VENTX: variants seen among roughly 807,000 people sequenced by gnomAD.
The protein encoded by VENTX is homeobox protein VENTX.
A neutral mutation model predicts 10.5 loss-of-function variants in VENTX; 13 were observed. The observed-to-expected ratio is 1.23, with a 90% CI of 0.80 to 1.96. The LOEUF (loss-of-function observed/expected upper bound fraction) is 1.96. Among genes scored for constraint, VENTX ranks in the 30% most tolerant of loss-of-function variants. VENTX has a pLI of 0.00. For missense variants in VENTX, 400 were observed against 341.8 expected (o/e 1.17, Z -1.34); for synonymous variants, 177 against 150.4 (o/e 1.18, Z -1.29).
rs761834337 is a variant in VENTX, at chr10:133,240,093, C to T, written c.564C>T (p.Pro188=). 4 of 1,611,118 alleles carry T rather than the reference C, an allele frequency of 2.5e-6. No homozygotes were observed. The highest frequency in any genetic ancestry group is 3.4e-6 in the Non-Finnish European group (4 of 1,180,012). The part of the protein sequence containing the change: ...NGLQLLCPWA[P]LSGPQALMLP... ...TGCAGCTGCTGTGCCCTTGGGCACC[C>T]CTGTCCGGGCCCCAGGCTCTGATGC... The change falls in exon 3 of 3, where the codon CCC becomes CCT. Residue 188 remains proline, a synonymous_variant. Transcript: ENST00000325980.
In VENTX at chr10:133,239,781, T is replaced by C; in HGVS notation, c.347T>C (p.Leu116Pro). The change falls in exon 2 of 3, where the codon CTG becomes CCG. Residue 116 changes from leucine to proline, a missense_variant. Physicochemically the swap from Leu to Pro is moderately conservative, Grantham distance 98. Coordinates refer to ENST00000325980, the MANE Select transcript of VENTX (RefSeq NM_014468.4). The part of the protein sequence containing the change: ...LEGVFQHHQY[L>P]SPLERKRLAR... ...GGCGTCTTCCAGCACCACCAGTACC[T>C]GAGCCCTCTGGAGCGGAAGAGGCTG... 6.2e-7 allele frequency: 1 copy of C among 1,610,266 alleles called. No individual in the cohort carries two copies. Among genetic ancestry groups the C allele is most frequent in the Non-Finnish European group, 8.5e-7 (1 of 1,179,776 alleles).
Position 133,241,276 on chromosome 10 carries a change from C to T in VENTX, c.*970C>T, listed in dbSNP as rs1270011982. ...CTTGGGCCAGGGAAAGCAGGGCAGCCGGGACCTGCGGCTGTGCCTGGACTG... is the reference window on the plus strand; with the variant it reads ...CTTGGGCCAGGGAAAGCAGGGCAGCTGGGACCTGCGGCTGTGCCTGGACTG... On this transcript the variant is annotated 3_prime_UTR_variant, in exon 3 of 3. Coordinates refer to ENST00000325980, the MANE Select transcript of VENTX (RefSeq NM_014468.4). 6.5e-6 allele frequency: 1 copy of T among 153,616 alleles called. No individual in the cohort carries two copies. The highest frequency in any genetic ancestry group is 1.5e-5 in the Non-Finnish European group (1 of 68,274). 9.5% of individuals were successfully genotyped at this position (153,616 alleles called of 1,614,324 possible).
At chr10:133,239,446 G>A (rs1222959210) in intron 1 of VENTX, among the ~76,000 whole-genome samples, 7 of 152,324 alleles carry the variant, frequency 4.6e-5, no homozygotes, top group Non-Finnish European at 7.3e-5. Flanking sequence ...TGGACTGAGC[G>A]GAGGGCAGGC....
chr10:133,238,246 G>T (rs544448108), intron 1 of VENTX, 91 bp downstream of exon 1: 1 of 1,440,332 alleles, frequency 6.9e-7, no homozygotes, highest in African/African-American at 1.4e-5. Flanking sequence ...TCCCCGCGGT[G>T]CCCTGCCCAC....
At chr10:133,239,289 G>GAGCCC (rs112301324) in intron 1 of VENTX, among the ~76,000 whole-genome samples, 6,622 of 152,224 alleles carry the variant, frequency 0.044, 478 homozygotes, top group African/African-American at 0.15. Context: ...TGAGGAGACG[G>GAGCCC]AGCCCGGGAC....
Position 133,240,050 on chromosome 10 carries a change from C to A in VENTX, c.521C>A (p.Ser174Tyr), listed in dbSNP as rs1187601139. The change falls in exon 3 of 3, where the codon TCT (serine) becomes TAT (tyrosine). Residue 174 changes from serine (S) to tyrosine (Y), a missense_variant. Physicochemically the swap from Ser to Tyr is moderately radical, Grantham distance 144. Transcript: ENST00000325980. ...CCCCCAGCTTTCTACTCAACGTCTT[C>A]TGGCCTTGCCAATGGCCTGCAGCTG... Reference protein sequence around the residue: ...HAPPAFYSTSSGLANGLQLLC... With the variant: ...HAPPAFYSTSYGLANGLQLLC... 6 of 1,611,924 alleles carry A rather than the reference C, an allele frequency of 3.7e-6. No homozygotes were observed. The South Asian group carries it at 4.4e-5, about 12-fold the overall frequency.
At position 133,240,455 on chromosome 10, in the gene VENTX, T is replaced by G; in HGVS notation, c.*149T>G. The G allele has an allele frequency of 2.5e-4, 129 of 519,840 alleles. No homozygotes were observed. Among genetic ancestry groups the G allele is most frequent in the East Asian group, 3.0e-4 (7 of 23,666 alleles). The allele number at this position is 519,840 out of a possible 1,614,324, so 32.2% of individuals were successfully genotyped here. ...GAGATTACTGGAGAATATATATAAA[T>G]ATATATATGTACGTATATATGTAAA... On this transcript the variant is annotated 3_prime_UTR_variant, in exon 3 of 3. Transcript: ENST00000325980.
In VENTX at chr10:133,240,196, C is replaced by A; in HGVS notation, c.667C>A (p.Gln223Lys). ...LASAGASCCGQPLASHPPTPG... is the reference protein window; with the variant it reads ...LASAGASCCGKPLASHPPTPG... ...ATCTGCGGGAGCTTCCTGCTGCGGG[C>A]AGCCTCTGGCGTCCCACCCCCCTAC... Residue 223 changes from glutamine to lysine, a missense_variant, in exon 3 of 3, where the codon CAG becomes AAG. By Grantham distance (53) the Gln-to-Lys change is moderately conservative (BLOSUM62 1). Coordinates refer to ENST00000325980, the MANE Select transcript of VENTX (RefSeq NM_014468.4). 1 of 1,610,160 alleles carries A rather than the reference C, an allele frequency of 6.2e-7. No homozygotes were observed. Among genetic ancestry groups the A allele is most frequent in the South Asian group, 1.1e-5 (1 of 90,976 alleles).
chr10:133,239,952 T>G lies in VENTX; in HGVS notation c.423T>G (p.Asn141Lys). The G allele has an allele frequency of 1.2e-6, 2 of 1,612,190 alleles. No homozygotes were observed. The highest frequency in any genetic ancestry group is 1.7e-6 in the Non-Finnish European group (2 of 1,179,628). Reference protein sequence around the residue: ...SEVQIKTWFQNRRMKHKRQMQ... With the variant: ...SEVQIKTWFQKRRMKHKRQMQ... ...TACAGATAAAAACCTGGTTTCAGAATCGCCGCATGAAACACAAACGGCAAA... is the reference window on the plus strand; with the variant it reads ...TACAGATAAAAACCTGGTTTCAGAAGCGCCGCATGAAACACAAACGGCAAA... Residue 141 changes from asparagine to lysine, a missense_variant, in exon 3 of 3, where the codon AAT becomes AAG. Asn to Lys is a moderately conservative substitution (Grantham distance 94). Coordinates refer to ENST00000325980, the MANE Select transcript of VENTX (RefSeq NM_014468.4).
In VENTX at chr10:133,239,191, G is replaced by T. The variant is rs113164596; in HGVS notation, c.242-485G>T. Among the ~76,000 whole-genome samples, 1,351 of 152,316 alleles carry T rather than the reference G, an allele frequency of 8.9e-3. 9 individuals are homozygous for T. The highest frequency in any genetic ancestry group is 0.021 in the Admixed American group (320 of 15,282). ...ACAGACCACCTCGTGGGGCCGTTTGGTGCCAGCCCCCATTCCTTAACTTAG... is the reference window on the plus strand; with the variant it reads ...ACAGACCACCTCGTGGGGCCGTTTGTTGCCAGCCCCCATTCCTTAACTTAG... On this transcript the variant is annotated intron_variant, in intron 1 of 2. Transcript: ENST00000325980.
At chr10:133,238,305 GGC>G in intron 1 of VENTX, 150 bp downstream of exon 1, 4 of 1,074,280 alleles carry the variant, frequency 3.7e-6, no homozygotes, top group Non-Finnish European at 3.8e-6. Context: ...AGGCCTTGCC[GGC>G]GCCCTCACTG....
At position 133,241,117 on chromosome 10, in the gene VENTX, TAAC is replaced by T. The variant is rs1243085531; in HGVS notation, c.*814_*816del. The T allele has an allele frequency of 3.9e-5, 6 of 152,232 alleles. No individual in the cohort carries two copies. Among genetic ancestry groups the T allele is most frequent in the South Asian group, 2.1e-4 (1 of 4,822 alleles). 9.4% of individuals were successfully genotyped at this position (152,232 alleles called of 1,614,324 possible). The stretch of plus-strand genomic sequence containing the variant: ...ATAGCGTTGTGGTTCAAGTCCCTCT[TAAC>T]AAGAACTCCAAAGCTGGAAAGCAGG... On this transcript the variant is annotated 3_prime_UTR_variant, in exon 3 of 3. Transcript: ENST00000325980.
In VENTX at chr10:133,238,189, A is replaced by T. The variant is rs1240382874; in HGVS notation, c.241+34A>T. On this transcript the variant is annotated intron_variant, in intron 1 of 2. Transcript: ENST00000325980. ...GGGTGGGGGGGGTCCCTTCCTTCCC[A>T]GGTGGAGATGGGAGTGGGGGAGAGG... is the stretch of plus-strand genomic sequence containing the variant. The T allele has an allele frequency of 1.8e-5, 28 of 1,554,670 alleles. No individual in the cohort carries two copies. The East Asian group carries it at 6.0e-4, about 33-fold the overall frequency.
chr10:133,237,867 G>A lies in VENTX; in HGVS notation c.-48G>A. 6.6e-7 allele frequency: 1 copy of A among 1,509,118 alleles called. No homozygotes were observed. Among genetic ancestry groups the A allele is most frequent in the Non-Finnish European group, 8.8e-7 (1 of 1,134,614 alleles). The allele number at this position is 1,509,118 out of a possible 1,614,324, so 93.5% of individuals were successfully genotyped here. ...CCTGGCGAGGCCCGAGGTGGATCCT[G>A]CGCCTGGCCAGCCCCGCCTGGCCTT... On this transcript the variant is annotated 5_prime_UTR_variant, in exon 1 of 3. Coordinates refer to ENST00000325980, the MANE Select transcript of VENTX (RefSeq NM_014468.4).
rs959890957 is a variant in VENTX at position 133,240,378 on chromosome 10, T to C, written c.*72T>C. 6.7e-7 allele frequency: 1 copy of C among 1,498,506 alleles called. No individual in the cohort carries two copies. The highest frequency in any genetic ancestry group is 1.4e-5 in the African/African-American group (1 of 71,408). 92.8% of individuals were successfully genotyped at this position (1,498,506 alleles called of 1,614,324 possible). On this transcript the variant is annotated 3_prime_UTR_variant, in exon 3 of 3. Coordinates refer to ENST00000325980, the MANE Select transcript of VENTX (RefSeq NM_014468.4). ...GGCTCCTACCTGGAGGACTCAGTTG[T>C]TCTGTTTACATCCTGGTGGCACCTC...
rs9419037 is a variant in VENTX, at chr10:133,241,019, G to A, written c.*713G>A. 0.11 allele frequency: 16,868 copies of A among 152,252 alleles called. 1,017 individuals carry two copies. Among genetic ancestry groups the A allele is most frequent in the Middle Eastern group, 0.2 (58 of 296 alleles). The allele number at this position is 152,252 out of a possible 1,614,324, so 9.4% of individuals were successfully genotyped here. ...TTTTTAAAAGGGGTTGGAAAAACTG[G>A]TTTTCCAGTTGGAAACAGTAAAGGT... On this transcript the variant is annotated 3_prime_UTR_variant, in exon 3 of 3. Coordinates refer to ENST00000325980, the MANE Select transcript of VENTX (RefSeq NM_014468.4).
Position 133,239,657 on chromosome 10 carries a change from C to G in VENTX, c.242-19C>G, listed in dbSNP as rs556159632. On this transcript the variant is annotated intron_variant, in intron 1 of 2. Coordinates refer to ENST00000325980, the MANE Select transcript of VENTX (RefSeq NM_014468.4). ...ATGGGGTGGCATGTTGAGCCAAATG[C>G]CCTTACCCTCTATGTCAGGGTTGAG... 2 of 1,610,840 alleles carry G rather than the reference C, an allele frequency of 1.2e-6. No individual in the cohort carries two copies. The highest frequency in any genetic ancestry group is 2.2e-5 in the South Asian group (2 of 90,968).
intron 1 of VENTX, 36 bp from the exon 2 acceptor site, chr10:133,239,640 G>A (rs1317882380): frequency 1.9e-6 from 3 of 1,608,030 alleles, no homozygotes; most frequent in Non-Finnish European, 2.5e-6. Context: ...CCATGGGGTG[G>A]CATGTTGAGC....
chr10:133,240,031 G>A lies in VENTX; in HGVS notation c.502G>A (p.Ala168Thr). ...PFSGSLHAPP[A>T]FYSTSSGLAN... ...CTCGGGGTCTCTCCATGCGCCCCCA[G>A]CTTTCTACTCAACGTCTTCTGGCCT... Residue 168 changes from alanine to threonine, a missense_variant, in exon 3 of 3, where the codon GCT becomes ACT. Physicochemically the swap from Ala to Thr is moderately conservative, Grantham distance 58. Transcript: ENST00000325980. The A allele has an allele frequency of 6.2e-7, 1 of 1,612,070 alleles. No individual in the cohort carries two copies. Among genetic ancestry groups the A allele is most frequent in the Non-Finnish European group, 8.5e-7 (1 of 1,180,028 alleles).
Sources: allele counts gnomAD v4.1 joint callset (sites outside exome capture counted in the v4.1 genomes callset), GRCh38; gene constraint gnomAD v4.1.1; transcripts MANE v1.5; gene names NCBI Gene and HGNC (gene_info 2026-07-23, HGNC 2026-07-21).